The following DNAAF11 variants were observed in gnomAD, a reference collection of about 807,000 sequenced individuals.
The protein encoded by DNAAF11 is dynein axonemal assembly factor 11.
DNAAF11 carries 45 observed loss-of-function variants against 60.8 expected under a neutral mutation model. That is an observed-to-expected ratio of 0.74 (90% CI 0.58 to 0.95). The LOEUF is 0.95. Ranked by LOEUF, DNAAF11 falls within the 40% of genes least tolerant of loss-of-function variation. DNAAF11 has a pLI of 0.00. For synonymous variants in DNAAF11, 191 were observed against 183.5 expected (o/e 1.04, Z -0.33); for missense variants, 546 against 546.2 (o/e 1.00, Z 0.00).
chr8:132,630,043 T>C (rs13272447), intron 5 of DNAAF11, among the ~76,000 whole-genome samples: 24,303 of 152,168 alleles, frequency 0.16, 3,007 homozygotes, highest in African/African-American at 0.34. Flanking sequence ...AAAGAATCAA[T>C]GTCATGAAGA....
At chr8:132,649,888 G>A (rs1822824150) in intron 3 of DNAAF11, among the ~76,000 whole-genome samples, 2 of 152,190 alleles carry the variant, frequency 1.3e-5, no homozygotes, top group Non-Finnish European at 2.9e-5. Flanking sequence ...GAGAGGATGT[G>A]GAGAAATAGG....
At chr8:132,692,177 T>C in the DNAAF11 span, among the ~76,000 whole-genome samples, 3 of 149,730 alleles carry the variant, frequency 2.0e-5, no homozygotes, top group South Asian at 2.1e-4. Flanking sequence ...TAGTGACAAG[T>C]AGTGACTGTT....
chr8:132,657,581 A>C (rs1304988541), intron 2 of DNAAF11, among the ~76,000 whole-genome samples: 8 of 152,204 alleles, frequency 5.3e-5, no homozygotes, highest in Admixed American at 5.2e-4. Context: ...TTTGACTTGA[A>C]GCCAAAATCA....
intron 4 of DNAAF11, 50 bp from the exon 5 acceptor site, chr8:132,633,013 G>T: frequency 7.9e-7 from 1 of 1,272,348 alleles, no homozygotes; most frequent in Non-Finnish European, 1.1e-6. Flanking sequence ...GTAGCAGTGT[G>T]AATCAGCCCC....
intron 11 of DNAAF11, among the ~76,000 whole-genome samples, chr8:132,579,085 G>T (rs1344558103): frequency 1.6e-4 from 24 of 152,224 alleles, no homozygotes; most frequent in Admixed American, 1.6e-3. Context: ...AGCAGCTGTT[G>T]GTTAAAAATC....
the DNAAF11 span, among the ~76,000 whole-genome samples, chr8:132,695,083 GGTTGTTGAC>G: frequency 6.6e-6 from 1 of 152,200 alleles, no homozygotes; most frequent in Non-Finnish European, 1.5e-5. Flanking sequence ...CAACATTGAA[GGTTGTTGAC>G]GTCTTTAACA....
chr8:132,701,942 A>G, the DNAAF11 span, among the ~76,000 whole-genome samples: 3 of 152,134 alleles, frequency 2.0e-5, no homozygotes, highest in Admixed American at 2.0e-4. Context: ...CAGCCAAGAT[A>G]ATTTTCTTGG....
chr8:132,672,838 T>A (rs1420112553), intron 1 of DNAAF11, among the ~76,000 whole-genome samples: 1 of 152,152 alleles, frequency 6.6e-6, no homozygotes, highest in African/African-American at 2.4e-5. Context: ...GTTCGACGTC[T>A]CTCCTGACTG....
chr8:132,608,318 T>C lies in DNAAF11; in HGVS notation c.1140+1848A>G, dbSNP rs565889022. On this transcript the variant is annotated intron_variant, in intron 10 of 11. Coordinates refer to ENST00000620350, the MANE Select transcript of DNAAF11 (RefSeq NM_012472.6). ...ATATATCCCTCAAGGGAAAATATTATTCATAATTTATTAATGACGAAAATA... is the reference window on the plus strand; with the variant it reads ...ATATATCCCTCAAGGGAAAATATTACTCATAATTTATTAATGACGAAAATA... 1.2e-4 allele frequency: 26 copies of C among 208,926 alleles called. 1 individual carries two copies. Among genetic ancestry groups the C allele is most frequent in the African/African-American group, 5.9e-4 (26 of 44,114 alleles). 12.9% of individuals were successfully genotyped at this position (208,926 alleles called of 1,614,324 possible).
chr8:132,636,475 T>G (rs1180964386), intron 4 of DNAAF11, among the ~76,000 whole-genome samples: 1 of 152,148 alleles, frequency 6.6e-6, no homozygotes, highest in Non-Finnish European at 1.5e-5. Flanking sequence ...ATGTACCTAA[T>G]TGTCTCCCTG....
intron 10 of DNAAF11, among the ~76,000 whole-genome samples, chr8:132,595,339 G>T (rs1175025389): frequency 2.1e-5 from 2 of 94,962 alleles, no homozygotes; most frequent in Non-Finnish European, 3.6e-5. Flanking sequence ...AAGAGAGAGA[G>T]ACAGAGGGGA....
chr8:132,626,486 C>T (rs1355952748), intron 5 of DNAAF11, among the ~76,000 whole-genome samples: 4 of 152,142 alleles, frequency 2.6e-5, no homozygotes, highest in African/African-American at 9.7e-5. Flanking sequence ...AACAACGTCT[C>T]TGTATGTCAT....
rs1186820607 is a variant in DNAAF11, at chr8:132,674,157, GAGA to G, written c.10+1324_10+1326del. Among the ~76,000 whole-genome samples the G allele has an allele frequency of 1.6e-3, 197 of 121,092 alleles. 2 individuals are homozygous for G. Among genetic ancestry groups the G allele is most frequent in the Middle Eastern group, 4.4e-3 (1 of 228 alleles). The allele number at this position is 121,092 out of a possible 152,430, so 79.4% of individuals were successfully genotyped here. On this transcript the variant is annotated intron_variant, in intron 1 of 11. Transcript: ENST00000620350. ...GGAGAAGGAGGAGGAAGAGGAGGAG[GAGA>G]AGGAGAAGGAGGAGGAGGAGAAGGA...
chr8:132,680,589 T>A (rs1825849418), upstream of DNAAF11, among the ~76,000 whole-genome samples: 1 of 152,214 alleles, frequency 6.6e-6, no homozygotes, highest in Non-Finnish European at 1.5e-5. Context: ...GAAAAGTTTC[T>A]ACATTGCAAC....
chr8:132,612,584 C>A (rs568010920), intron 8 of DNAAF11, among the ~76,000 whole-genome samples: 2 of 152,128 alleles, frequency 1.3e-5, no homozygotes, highest in African/African-American at 2.4e-5. Flanking sequence ...TTGACAGCAG[C>A]CTTCTTCCTT....
At chr8:132,574,154 G>A (rs1464877775) in intron 11 of DNAAF11, among the ~76,000 whole-genome samples, 1 of 152,170 alleles carries the variant, frequency 6.6e-6, no homozygotes, top group Non-Finnish European at 1.5e-5. Flanking sequence ...ATAGAGTTTT[G>A]TGGCATCAGC....
At chr8:132,698,356 T>G in the DNAAF11 span, among the ~76,000 whole-genome samples, 2 of 136,818 alleles carry the variant, frequency 1.5e-5, no homozygotes, top group South Asian at 2.2e-4. Context: ...ACATAGATCT[T>G]CTGACCCCTC....
intron 4 of DNAAF11, among the ~76,000 whole-genome samples, chr8:132,633,683 T>G (rs942852535): frequency 6.6e-6 from 1 of 152,146 alleles, no homozygotes; most frequent in Non-Finnish European, 1.5e-5. Flanking sequence ...GTGATTAGGT[T>G]AAGGATCTTG....
intron 3 of DNAAF11, among the ~76,000 whole-genome samples, chr8:132,646,670 A>G (rs1822422320): frequency 1.3e-5 from 2 of 152,194 alleles, no homozygotes; most frequent in Non-Finnish European, 1.5e-5. Context: ...AAACAAAACA[A>G]AACAAAAAGC....
Sources: gnomAD v4.1 joint callset for allele counts (sites outside exome capture counted in the v4.1 genomes callset) on GRCh38, gnomAD v4.1.1 for gene constraint, MANE v1.5 for transcripts, NCBI Gene and HGNC (gene_info 2026-07-23, HGNC 2026-07-21) for gene names.